Variants in ANK2 observed in about 807,000 individuals in gnomAD.
The protein encoded by ANK2 is ankyrin-2.
ANK2 carries 83 observed loss-of-function variants against 360.5 expected under a neutral mutation model. The ratio of observed to expected loss-of-function variants is 0.23; its 90% confidence interval spans 0.19 to 0.28. The LOEUF (loss-of-function observed/expected upper bound fraction) is 0.28. ANK2 is among the 10% of genes least tolerant of loss of function. ANK2 has a pLI of 1.00. For missense variants in ANK2, 4,201 were observed against 4,795.7 expected (o/e 0.88, Z 3.66); for synonymous variants, 1,740 against 1,759.5 (o/e 0.99, Z 0.28).
intron 1 of ANK2, among the ~76,000 whole-genome samples, chr4:113,099,304 A>G (rs1191871761): frequency 1.3e-5 from 2 of 151,960 alleles, no homozygotes; most frequent in Non-Finnish European, 2.9e-5. Context: ...TATTGATGAT[A>G]GCAGGATCAC....
intron 20 of ANK2, among the ~76,000 whole-genome samples, chr4:113,291,850 T>A (rs1000752960): frequency 6.6e-6 from 1 of 152,174 alleles, no homozygotes; most frequent in African/African-American, 2.4e-5. Flanking sequence ...TTTCATCACG[T>A]CTGAAATGGG....
chr4:113,323,738 A>C (rs749971113), intron 26 of ANK2: 145 of 1,607,522 alleles, frequency 9.0e-5, no homozygotes, highest in Non-Finnish European at 1.2e-4. Flanking sequence ...TCTCTGTGCT[A>C]AAGTATCTAT....
intron 2 of ANK2, among the ~76,000 whole-genome samples, chr4:112,924,811 A>G: frequency 6.7e-6 from 1 of 148,664 alleles, no homozygotes. Context: ...TTAATTTCAA[A>G]TTTTTCTTAC....
chr4:113,216,905 A>C (rs2099091309), intron 4 of ANK2, among the ~76,000 whole-genome samples: 1 of 151,894 alleles, frequency 6.6e-6, no homozygotes, highest in Non-Finnish European at 1.5e-5. Flanking sequence ...TTTTTTTTAA[A>C]GGAAAGGCTT....
intron 1 of ANK2, among the ~76,000 whole-genome samples, chr4:113,143,429 T>C (rs1384501346): frequency 1.3e-5 from 2 of 152,200 alleles, no homozygotes; most frequent in Admixed American, 1.3e-4. Flanking sequence ...AAATATTCCT[T>C]TTCCATGTGT....
chr4:113,048,248 G>GTATATA (rs869196489), upstream of ANK2, among the ~76,000 whole-genome samples: 48 of 36,242 alleles, frequency 1.3e-3, no homozygotes, highest in South Asian at 2.7e-3. Context: ...CTACAAGTGT[G>GTATATA]TATATATATA....
At chr4:113,326,545 C>G (rs913739682) in intron 26 of ANK2, among the ~76,000 whole-genome samples, 2 of 151,978 alleles carry the variant, frequency 1.3e-5, no homozygotes, top group African/African-American at 4.8e-5. Context: ...TTTATATCTT[C>G]CAATATTTTT....
intron 41 of ANK2, 86 bp from the exon 42 acceptor site, chr4:113,367,480 T>G (rs959097300): frequency 1.6e-6 from 2 of 1,289,840 alleles, no homozygotes; most frequent in Non-Finnish European, 2.2e-6. Context: ...TTCTTATTTT[T>G]TTTATCCTCT....
At chr4:113,174,626 C>T in intron 2 of ANK2, 109 bp downstream of exon 2, 1 of 905,128 alleles carries the variant, frequency 1.1e-6, no homozygotes, top group Non-Finnish European at 1.7e-6. Flanking sequence ...ATATCAGTGA[C>T]TCAGACTTCT....
chr4:113,162,773 C>A (rs1182841178), intron 1 of ANK2, among the ~76,000 whole-genome samples: 1 of 131,452 alleles, frequency 7.6e-6, no homozygotes, highest in African/African-American at 2.8e-5. Context: ...ATTATAAAAT[C>A]TTTGAGGGGA....
chr4:112,725,452 C>A, the ANK2 span, among the ~76,000 whole-genome samples: 1 of 147,836 alleles, frequency 6.8e-6, no homozygotes, highest in Non-Finnish European at 1.5e-5. Context: ...CCTCTGCCTC[C>A]CGGGTTCACG....
At chr4:113,092,731 G>T (rs2089092438) in intron 1 of ANK2, among the ~76,000 whole-genome samples, 1 of 152,080 alleles carries the variant, frequency 6.6e-6, no homozygotes, top group Non-Finnish European at 1.5e-5. Context: ...TTATTATAAG[G>T]ATTAAATGAG....
In ANK2 at chr4:113,355,007, G is replaced by A. The variant is rs769038996; in HGVS notation, c.6389G>A (p.Arg2130Lys). The A allele has an allele frequency of 9.3e-6, 15 of 1,614,028 alleles. No individual in the cohort carries two copies. In the South Asian group the frequency reaches 1.5e-4, roughly 17 times the overall value. Residue 2130 changes from arginine to lysine, a missense_variant, in exon 38 of 46, where the codon AGG becomes AAG. Physicochemically the swap from Arg to Lys is conservative, Grantham distance 26. Coordinates refer to ENST00000357077, the MANE Select transcript of ANK2 (RefSeq NM_001148.6). Reference protein sequence around the residue: ...GDMDLQISPDRKTSTDFSEVI... With the variant: ...GDMDLQISPDKKTSTDFSEVI... ...ATGGATCTACAGATCAGCCCAGATA[G>A]GAAAACCTCCACTGACTTCTCTGAG...
intron 2 of ANK2, among the ~76,000 whole-genome samples, chr4:113,195,050 C>T (rs530658973): frequency 6.6e-6 from 1 of 152,098 alleles, no homozygotes; most frequent in African/African-American, 2.4e-5. Context: ...AAAATTATTC[C>T]CTCATAAATT....
In ANK2 at chr4:113,353,292, C is replaced by T; in HGVS notation, c.4674C>T (p.Asp1558=). The T allele has an allele frequency of 1.2e-6, 2 of 1,613,652 alleles. No homozygotes were observed. Among genetic ancestry groups the T allele is most frequent in the Admixed American group, 1.7e-5 (1 of 59,950 alleles). ...AAATCGTTGAAAGAGTTAAAGAGGA[C>T]TTAGAGAAAGTGAATGAAATCCTGA... ...PFEIVERVKE[D]LEKVNEILRS... The change falls in exon 38 of 46, where the codon GAC becomes GAT. Residue 1558 remains aspartate, a synonymous_variant. Coordinates refer to ENST00000357077, the MANE Select transcript of ANK2 (RefSeq NM_001148.6).
chr4:112,794,600 T>C, the ANK2 span, among the ~76,000 whole-genome samples: 1 of 152,240 alleles, frequency 6.6e-6, no homozygotes, highest in African/African-American at 2.4e-5. Context: ...GTTTAATTTC[T>C]TTCATCTATA....
At chr4:112,797,942 C>G in the ANK2 span, 1 of 157,242 alleles carries the variant, frequency 6.4e-6, no homozygotes, top group Non-Finnish European at 1.4e-5. Context: ...GCCAGGTGTT[C>G]AGAGGAGTCT....
intron 1 of ANK2, among the ~76,000 whole-genome samples, chr4:113,159,318 A>T (rs1406156482): frequency 6.6e-6 from 1 of 152,116 alleles, no homozygotes; most frequent in African/African-American, 2.4e-5. Flanking sequence ...GAAGAGAGAT[A>T]CATTTTATAT....
At chr4:112,860,912 C>T (rs751878476) in intron 1 of ANK2, among the ~76,000 whole-genome samples, 3 of 152,126 alleles carry the variant, frequency 2.0e-5, no homozygotes, top group Non-Finnish European at 2.9e-5. Flanking sequence ...AACAAACTTC[C>T]TTTGACATGT....
Sources: gnomAD v4.1 joint callset for allele counts (sites outside exome capture counted in the v4.1 genomes callset) on GRCh38, gnomAD v4.1.1 for gene constraint, MANE v1.5 for transcripts, NCBI Gene and HGNC (gene_info 2026-07-23, HGNC 2026-07-21) for gene names.